Variants in HERC1 observed in about 807,000 individuals in gnomAD.
HERC1 encodes probable E3 ubiquitin-protein ligase HERC1.
In HERC1, 160 loss-of-function variants were observed where a neutral mutation model predicts 554.3. The observed-to-expected ratio is 0.29, with a 90% CI of 0.25 to 0.33. The LOEUF is 0.33. Among genes scored for constraint, HERC1 ranks in the 10% least tolerant of loss-of-function variants. HERC1 has a pLI of 1.00. For synonymous variants in HERC1, 2,175 were observed against 2,131.7 expected (o/e 1.02, Z -0.56); for missense variants, 4,919 against 5,918.5 (o/e 0.83, Z 5.54).
intron 14 of HERC1, among the ~76,000 whole-genome samples, chr15:63,732,047 G>A (rs971587475): frequency 6.6e-6 from 1 of 152,140 alleles, no homozygotes; most frequent in African/African-American, 2.4e-5. Flanking sequence ...TGTCACCCAG[G>A]CTGGAGTGCA....
chr15:63,792,806 A>C (rs916979165), intron 1 of HERC1, among the ~76,000 whole-genome samples: 3 of 152,172 alleles, frequency 2.0e-5, no homozygotes, highest in Admixed American at 1.3e-4. Flanking sequence ...GGAGACAGCA[A>C]CAGATCTCAC....
chr15:63,650,534 CAGCTTCCTGAGTCCCTG>C (rs1429328336), intron 53 of HERC1, among the ~76,000 whole-genome samples: 1 of 151,872 alleles, frequency 6.6e-6, no homozygotes, highest in Non-Finnish European at 1.5e-5. Flanking sequence ...CCTTGAGCCT[CAGCTTCCTGAGTCCCTG>C]AGGTTCCAGG....
intron 1 of HERC1, among the ~76,000 whole-genome samples, chr15:63,803,563 T>C (rs28496317): frequency 0.48 from 72,818 of 152,026 alleles, 18,387 homozygotes; most frequent in Non-Finnish European, 0.55. Flanking sequence ...GCTAGGATTA[T>C]AGGCGTGAGC....
intron 34 of HERC1, among the ~76,000 whole-genome samples, chr15:63,681,667 T>C (rs2071487456): frequency 1.3e-5 from 2 of 152,196 alleles, no homozygotes; most frequent in African/African-American, 4.8e-5. Flanking sequence ...TGGTTTATGC[T>C]GAATACCTGC....
intron 2 of HERC1, among the ~76,000 whole-genome samples, chr15:63,774,470 A>C (rs2076058503): frequency 6.6e-6 from 1 of 152,202 alleles, no homozygotes; most frequent in South Asian, 2.1e-4. Flanking sequence ...CCACAAAGCT[A>C]AAACTATAAA....
chr15:63,687,567 C>A (rs60603260), intron 33 of HERC1, among the ~76,000 whole-genome samples: 18,499 of 151,876 alleles, frequency 0.12, 1,197 homozygotes, highest in Middle Eastern at 0.16. Flanking sequence ...ATAGTGAGGG[C>A]CTGAATTCAT....
chr15:63,746,837 T>G, intron 12 of HERC1, 81 bp downstream of exon 12: 1 of 1,180,274 alleles, frequency 8.5e-7, no homozygotes, highest in South Asian at 1.5e-5. Flanking sequence ...TTGTCCAATG[T>G]ACAGTTGAAT....
chr15:63,628,398 A>C (rs2068399826), intron 70 of HERC1, among the ~76,000 whole-genome samples: 2 of 152,206 alleles, frequency 1.3e-5, no homozygotes, highest in Non-Finnish European at 2.9e-5. Flanking sequence ...TCAAAAAAAA[A>C]CTTAGTTGCT....
Position 63,718,497 on chromosome 15 carries a change from T to G in HERC1, c.3978+77A>C. Reference sequence around the variant, plus strand: ...TATGCAATAACCAAGGCACATTTTTTTCTCACATAAACCAATTTAGAGCTA... The same window carrying G: ...TATGCAATAACCAAGGCACATTTTTGTCTCACATAAACCAATTTAGAGCTA... On this transcript the variant is annotated intron_variant, in intron 21 of 77. Coordinates refer to ENST00000443617, the MANE Select transcript of HERC1 (RefSeq NM_003922.4). The surrounding 1 kb of genome is among the most constrained non-coding windows in gnomAD (Gnocchi z 4.2). The G allele has an allele frequency of 7.1e-7, 1 of 1,415,388 alleles. No homozygotes were observed. Among genetic ancestry groups the G allele is most frequent in the Non-Finnish European group, 9.4e-7 (1 of 1,060,148 alleles). The allele number at this position is 1,415,388 out of a possible 1,614,324, so 87.7% of individuals were successfully genotyped here.
At chr15:63,754,471 A>G (rs760105167) in intron 7 of HERC1, 34 bp downstream of exon 7, 1 of 1,526,550 alleles carries the variant, frequency 6.6e-7, no homozygotes, top group Non-Finnish European at 8.8e-7. Context: ...TCAAGAAAAA[A>G]GCCAAAGCTA....
intron 1 of HERC1, among the ~76,000 whole-genome samples, chr15:63,817,969 A>G (rs1317228105): frequency 6.6e-6 from 1 of 152,112 alleles, no homozygotes; most frequent in East Asian, 1.9e-4. Flanking sequence ...ATTAATCCAG[A>G]GTCAGGCACA....
intron 2 of HERC1, among the ~76,000 whole-genome samples, chr15:63,771,320 G>T (rs1818512484): frequency 6.6e-6 from 1 of 152,086 alleles, no homozygotes; most frequent in African/African-American, 2.4e-5. Flanking sequence ...CTAAAACCAA[G>T]CTGAGATTTA....
At chr15:63,783,629 A>G (rs2143463455) in intron 1 of HERC1, among the ~76,000 whole-genome samples, 1 of 152,346 alleles carries the variant, frequency 6.6e-6, no homozygotes. Flanking sequence ...ACCAAACCAC[A>G]GTATCTCTAA....
Position 63,643,394 on chromosome 15 carries a change from A to G in HERC1, c.11331+10T>C, listed in dbSNP as rs2069168138. On this transcript the variant is annotated intron_variant, in intron 58 of 77. Coordinates refer to ENST00000443617, the MANE Select transcript of HERC1 (RefSeq NM_003922.4). ...ATTCCTTAACATAAAAATAAAATCTATGCTCTTACCCTTAAAGACCAAATG... is the reference window on the plus strand; with the variant it reads ...ATTCCTTAACATAAAAATAAAATCTGTGCTCTTACCCTTAAAGACCAAATG... 2 of 1,602,002 alleles carry G rather than the reference A, an allele frequency of 1.2e-6. No homozygotes were observed. Among genetic ancestry groups the G allele is most frequent in the African/African-American group, 1.3e-5 (1 of 74,358 alleles).
intron 53 of HERC1, among the ~76,000 whole-genome samples, chr15:63,650,768 T>C (rs1471106512): frequency 1.3e-5 from 2 of 152,212 alleles, no homozygotes; most frequent in African/African-American, 4.8e-5. Context: ...ACACAGAAGT[T>C]ATTCCTCAAA....
At chr15:63,659,406 C>G (rs1390111926) in intron 47 of HERC1, among the ~76,000 whole-genome samples, 1 of 152,028 alleles carries the variant, frequency 6.6e-6, no homozygotes, top group East Asian at 1.9e-4. Flanking sequence ...TGCACACCAC[C>G]CACCCAGCTA....
chr15:63,743,354 C>T (rs1163753833), intron 12 of HERC1, among the ~76,000 whole-genome samples: 1 of 151,280 alleles, frequency 6.6e-6, no homozygotes, highest in Non-Finnish European at 1.5e-5. Flanking sequence ...CTCCACCTCC[C>T]AGGTTCAAGC....
chr15:63,747,682 G>T, intron 11 of HERC1, 42 bp downstream of exon 11: 1 of 1,068,490 alleles, frequency 9.4e-7, no homozygotes, highest in Non-Finnish European at 1.4e-6. Context: ...ACACGCGCGC[G>T]CACACACACA....
intron 1 of HERC1, among the ~76,000 whole-genome samples, chr15:63,817,967 A>G (rs1378355787): frequency 1.3e-5 from 2 of 152,148 alleles, no homozygotes; most frequent in African/African-American, 2.4e-5. Flanking sequence ...AGATTAATCC[A>G]GAGTCAGGCA....
Sources: allele counts gnomAD v4.1 joint callset (sites outside exome capture counted in the v4.1 genomes callset), GRCh38; gene constraint gnomAD v4.1.1; non-coding constraint Gnocchi (gnomAD v3.1); transcripts MANE v1.5; gene names NCBI Gene and HGNC (gene_info 2026-07-23, HGNC 2026-07-21).